The following DOK6 variants were observed in gnomAD, a reference collection of about 807,000 sequenced individuals.
DOK6 encodes docking protein 6, also known as downstream of tyrosine kinase 6.
Under a neutral mutation model 44.0 loss-of-function variants are expected in DOK6, and 22 were observed. That is an observed-to-expected ratio of 0.50 (90% CI 0.36 to 0.71). The LOEUF (loss-of-function observed/expected upper bound fraction) is 0.71, where lower values mean the gene tolerates loss of function less well. Among genes scored for constraint, DOK6 ranks in the 30% least tolerant of loss-of-function variants. The pLI, the probability that DOK6 is intolerant of heterozygous loss-of-function variation, is 0.00. For missense variants in DOK6, 340 were observed against 416.4 expected (o/e 0.82, Z 1.60); for synonymous variants, 166 against 145.5 (o/e 1.14, Z -1.01).
chr18:69,487,486 G>A (rs973284881), intron 1 of DOK6, among the ~76,000 whole-genome samples: 1 of 151,896 alleles, frequency 6.6e-6, no homozygotes, highest in Admixed American at 6.6e-5. Flanking sequence ...ACTTTTTCCA[G>A]GTTTATACTT....
intron 1 of DOK6, among the ~76,000 whole-genome samples, chr18:69,472,660 ACACT>A (rs1393871690): frequency 1.3e-5 from 2 of 152,166 alleles, no homozygotes; most frequent in East Asian, 1.9e-4. Context: ...AATTGAAAAC[ACACT>A]CACATACACA....
chr18:69,603,408 A>G (rs1402959845), intron 3 of DOK6, among the ~76,000 whole-genome samples: 1 of 152,178 alleles, frequency 6.6e-6, no homozygotes, highest in Non-Finnish European at 1.5e-5. Context: ...TGTAAAACCT[A>G]TACCAGAATC....
chr18:69,511,639 A>G (rs1981367717), intron 1 of DOK6, among the ~76,000 whole-genome samples: 2 of 152,228 alleles, frequency 1.3e-5, no homozygotes, highest in Admixed American at 6.5e-5. Flanking sequence ...CATTGTTAAT[A>G]TATTAAAGAT....
At chr18:69,722,738 TC>T (rs1301717302) in intron 5 of DOK6, among the ~76,000 whole-genome samples, 1 of 152,192 alleles carries the variant, frequency 6.6e-6, no homozygotes, top group African/African-American at 2.4e-5. Flanking sequence ...ACTTCATATC[TC>T]TAAAGTTAAA....
intron 2 of DOK6, among the ~76,000 whole-genome samples, chr18:69,589,649 G>A (rs1396214360): frequency 1.3e-5 from 2 of 152,108 alleles, no homozygotes; most frequent in East Asian, 3.8e-4. Context: ...AGTAAATAGT[G>A]TAAATGCAAT....
chr18:69,568,223 A>G (rs773526322), intron 2 of DOK6, among the ~76,000 whole-genome samples: 7 of 152,152 alleles, frequency 4.6e-5, no homozygotes, highest in African/African-American at 7.2e-5. Flanking sequence ...GGGCAGTTAG[A>G]CCTTTTACAA....
intron 2 of DOK6, among the ~76,000 whole-genome samples, chr18:69,582,022 T>C (rs142108715): frequency 7.9e-5 from 12 of 152,306 alleles, no homozygotes; most frequent in Non-Finnish European, 1.0e-4. Flanking sequence ...TTCAAAGTTC[T>C]AATGTGGAAC....
intron 5 of DOK6, among the ~76,000 whole-genome samples, chr18:69,726,004 G>A (rs149574489): frequency 1.3e-5 from 2 of 152,232 alleles, no homozygotes; most frequent in East Asian, 3.9e-4. Flanking sequence ...TGTAGATGAA[G>A]TCACTCAGTG....
intron 1 of DOK6, among the ~76,000 whole-genome samples, chr18:69,511,383 A>G (rs1268668555): frequency 6.6e-6 from 1 of 152,176 alleles, no homozygotes; most frequent in Non-Finnish European, 1.5e-5. Context: ...TTCTTTTAGG[A>G]GATGAGATCT....
At chr18:69,640,024 A>G (rs920546069) in intron 3 of DOK6, among the ~76,000 whole-genome samples, 1 of 152,130 alleles carries the variant, frequency 6.6e-6, no homozygotes, top group Non-Finnish European at 1.5e-5. Flanking sequence ...TTTCTTAGAT[A>G]CCATTTTAAC....
intron 1 of DOK6, among the ~76,000 whole-genome samples, chr18:69,552,450 A>G (rs1178858465): frequency 6.6e-6 from 1 of 152,024 alleles, no homozygotes; most frequent in Non-Finnish European, 1.5e-5. Flanking sequence ...TGTATTTGTA[A>G]ATGTTTTTCC....
At chr18:69,689,403 A>G (rs914491018) in intron 4 of DOK6, among the ~76,000 whole-genome samples, 2 of 152,248 alleles carry the variant, frequency 1.3e-5, no homozygotes, top group Non-Finnish European at 2.9e-5. Context: ...AACAAAACCA[A>G]TGAAAATCTG....
At chr18:69,412,441 A>G (rs1978310308) in intron 1 of DOK6, among the ~76,000 whole-genome samples, 1 of 152,130 alleles carries the variant, frequency 6.6e-6, no homozygotes, top group African/African-American at 2.4e-5. Flanking sequence ...TGTTTTGGTA[A>G]CAGCAGTGGC....
chr18:69,618,535 T>A (rs986172225), intron 3 of DOK6: 2 of 164,488 alleles, frequency 1.2e-5, no homozygotes, highest in East Asian at 1.8e-4. Flanking sequence ...AGAGGTTTAA[T>A]GGACTCACGG....
At chr18:69,577,279 C>T (rs532729988) in intron 2 of DOK6, among the ~76,000 whole-genome samples, 7 of 152,204 alleles carry the variant, frequency 4.6e-5, no homozygotes, top group South Asian at 4.1e-4. Flanking sequence ...TTTGATTCCA[C>T]GAAGAAACGG....
At chr18:69,604,778 C>T (rs1983955735) in intron 3 of DOK6, among the ~76,000 whole-genome samples, 1 of 152,092 alleles carries the variant, frequency 6.6e-6, no homozygotes, top group Non-Finnish European at 1.5e-5. Flanking sequence ...AATAAAATTT[C>T]ATCCTCCAAG....
At chr18:69,547,589 T>C (rs1318133984) in intron 1 of DOK6, among the ~76,000 whole-genome samples, 1 of 151,464 alleles carries the variant, frequency 6.6e-6, no homozygotes, top group African/African-American at 2.4e-5. Flanking sequence ...TTATCCCAAC[T>C]ATATTAATTG....
chr18:69,690,577 T>C (rs538413853), intron 4 of DOK6, among the ~76,000 whole-genome samples: 1 of 152,298 alleles, frequency 6.6e-6, no homozygotes, highest in East Asian at 1.9e-4. Context: ...AACAGAATGA[T>C]CTTGAAATGT....
intron 7 of DOK6, among the ~76,000 whole-genome samples, chr18:69,810,152 G>T: frequency 6.6e-6 from 1 of 152,008 alleles, no homozygotes; most frequent in Non-Finnish European, 1.5e-5. Context: ...CAATGGAATA[G>T]AATAGAGAGC....
Sources: gnomAD v4.1 joint callset for allele counts (sites outside exome capture counted in the v4.1 genomes callset) on GRCh38, gnomAD v4.1.1 for gene constraint, MANE v1.5 for transcripts, NCBI Gene and HGNC (gene_info 2026-07-23, HGNC 2026-07-21) for gene names.